The following PDE4D variants were observed in gnomAD, a reference collection of about 807,000 sequenced individuals.
The protein encoded by PDE4D is phosphodiesterase 4D.
Under a neutral mutation model 87.4 loss-of-function variants are expected in PDE4D, and 24 were observed. That is an observed-to-expected ratio of 0.27 (90% CI 0.20 to 0.39). PDE4D has a LOEUF of 0.39. PDE4D is among the 10% of genes least tolerant of loss of function. The probability of loss-of-function intolerance (pLI) is 1.00; values close to 1 mark genes in which losing one functional copy is unlikely to be tolerated. For synonymous variants in PDE4D, 384 were observed against 383.2 expected, an observed-to-expected ratio of 1.00 and a Z score of -0.02; for missense variants, 714 against 1,041.0, an observed-to-expected ratio of 0.69 and a Z score of 4.32.
intron 1 of PDE4D, among the ~76,000 whole-genome samples, chr5:59,287,221 A>G (rs1317349808): frequency 2.0e-5 from 3 of 152,112 alleles, no homozygotes; most frequent in African/African-American, 7.2e-5. Flanking sequence ...AGCATTCACC[A>G]CAAGCTGATT....
At chr5:58,977,025 A>G (rs1196245459) in intron 12 of PDE4D, among the ~76,000 whole-genome samples, 166 bp downstream of exon 12, 1 of 152,190 alleles carries the variant, frequency 6.6e-6, no homozygotes, top group African/African-American at 2.4e-5. Flanking sequence ...TGAAAAACCT[A>G]TTACAGAACA....
chr5:59,023,679 C>G (rs1019700696), intron 6 of PDE4D, among the ~76,000 whole-genome samples: 1 of 151,608 alleles, frequency 6.6e-6, no homozygotes, highest in Non-Finnish European at 1.5e-5. Flanking sequence ...AAACAAAAAA[C>G]GTTTTGACAT....
intron 1 of PDE4D, among the ~76,000 whole-genome samples, chr5:60,329,371 G>C (rs1268433752): frequency 1.3e-5 from 2 of 152,088 alleles, no homozygotes; most frequent in Non-Finnish European, 2.9e-5. Flanking sequence ...ATGTAAAGAA[G>C]GACATGTTTG....
intron 3 of PDE4D, among the ~76,000 whole-genome samples, chr5:59,941,482 C>T (rs1007811460): frequency 6.6e-5 from 10 of 152,244 alleles, no homozygotes; most frequent in African/African-American, 2.2e-4. Context: ...TCTTGACTCT[C>T]CTCCCAATTG....
At chr5:60,049,720 C>T (rs1356286804) in intron 2 of PDE4D, among the ~76,000 whole-genome samples, 2 of 152,314 alleles carry the variant, frequency 1.3e-5, no homozygotes, top group East Asian at 1.9e-4. Context: ...GCAGTCTGCC[C>T]GTTCTCAGAT....
rs1428823980 is a variant in PDE4D, at chr5:60,265,034, G to A, written c.-89-79347C>T. Among the ~76,000 whole-genome samples, 3 of 152,150 alleles carry A rather than the reference G, an allele frequency of 2.0e-5. No homozygotes were observed. In the East Asian group the frequency reaches 5.8e-4, roughly 29 times the overall value. On this transcript the variant is annotated intron_variant, in intron 1 of 16. Coordinates refer to the PDE4D transcript ENST00000502484. ...GAGAGAGGGCAAGTGGTTGAAAAGTGGAAATATAGTTATACATGCTAGGAG... is the reference window on the plus strand; with the variant it reads ...GAGAGAGGGCAAGTGGTTGAAAAGTAGAAATATAGTTATACATGCTAGGAG...
At chr5:59,689,423 A>G (rs1750509091) in intron 1 of PDE4D, among the ~76,000 whole-genome samples, 1 of 152,204 alleles carries the variant, frequency 6.6e-6, no homozygotes, top group Non-Finnish European at 1.5e-5. Flanking sequence ...AACATATGCA[A>G]ATCAATAAAT....
intron 1 of PDE4D, among the ~76,000 whole-genome samples, chr5:59,617,546 G>A (rs951416244): frequency 6.6e-6 from 1 of 152,160 alleles, no homozygotes; most frequent in East Asian, 1.9e-4. Context: ...TATTGCAAGA[G>A]AGTAGGTCCC....
intron 2 of PDE4D, among the ~76,000 whole-genome samples, chr5:59,197,891 G>A (rs771373319): frequency 5.3e-5 from 8 of 152,126 alleles, no homozygotes; most frequent in Middle Eastern, 3.2e-3. Flanking sequence ...TTTTTAAAGC[G>A]CCTTGCCACG....
intron 1 of PDE4D, among the ~76,000 whole-genome samples, chr5:60,280,219 A>T (rs538011825): frequency 3.3e-5 from 5 of 152,128 alleles, no homozygotes; most frequent in African/African-American, 1.2e-4. Context: ...CATGTGACAC[A>T]GCAATTAATA....
At chr5:60,491,709 A>G (rs1201924430), upstream of PDE4D, among the ~76,000 whole-genome samples, 1 of 151,938 alleles carries the variant, frequency 6.6e-6, no homozygotes, top group Admixed American at 6.6e-5. Flanking sequence ...TTAATATTTG[A>G]TGCTAAAACC....
intron 1 of PDE4D, among the ~76,000 whole-genome samples, chr5:60,236,296 T>A (rs958919885): frequency 6.6e-6 from 1 of 151,786 alleles, no homozygotes; most frequent in African/African-American, 2.4e-5. Flanking sequence ...TGCTAAGGGA[T>A]TGAAAAGACA....
At chr5:60,172,537 T>G (rs188107322) in intron 2 of PDE4D, among the ~76,000 whole-genome samples, 36 of 152,232 alleles carry the variant, frequency 2.4e-4, no homozygotes, top group Non-Finnish European at 4.0e-4. Context: ...TTCCCTGTTT[T>G]GTCTCTAGGA....
At chr5:59,053,649 TTTTTTGTTG>T (rs138664601) in intron 5 of PDE4D, among the ~76,000 whole-genome samples, 8 of 73,488 alleles carry the variant, frequency 1.1e-4, no homozygotes, top group Admixed American at 4.0e-4. Context: ...TTTTTTGTTT[TTTTTTGTTG>T]TTGTTTTTTT....
intron 2 of PDE4D, among the ~76,000 whole-genome samples, chr5:59,199,993 T>G (rs574410469): frequency 6.6e-6 from 1 of 151,066 alleles, no homozygotes; most frequent in East Asian, 2.0e-4. Flanking sequence ...TACACATGCA[T>G]ACATGCATGC....
intron 1 of PDE4D, among the ~76,000 whole-genome samples, chr5:59,838,724 T>G (rs973213094): frequency 6.6e-6 from 1 of 152,078 alleles, no homozygotes; most frequent in Non-Finnish European, 1.5e-5. Flanking sequence ...AGAATGCTTT[T>G]CACCTCAAAG....
intron 1 of PDE4D, among the ~76,000 whole-genome samples, chr5:60,451,769 A>G (rs1363773899): frequency 6.6e-6 from 1 of 152,074 alleles, no homozygotes; most frequent in Non-Finnish European, 1.5e-5. Context: ...CTCTCTACAG[A>G]GACAAAAGGG....
chr5:59,822,237 G>A (rs1419671389), intron 1 of PDE4D, among the ~76,000 whole-genome samples: 1 of 152,132 alleles, frequency 6.6e-6, no homozygotes, highest in African/African-American at 2.4e-5. Context: ...ATTAGAGATA[G>A]GGAAACCCAG....
At chr5:60,459,834 C>A (rs1327798822) in intron 1 of PDE4D, 1 of 572,170 alleles carries the variant, frequency 1.7e-6, no homozygotes. Context: ...AAAGTTGGAA[C>A]CTATCAGTGT....
Sources: gnomAD v4.1 joint callset for allele counts (sites outside exome capture counted in the v4.1 genomes callset) on GRCh38, gnomAD v4.1.1 for gene constraint, MANE v1.5 for transcripts, NCBI Gene and HGNC (gene_info 2026-07-23, HGNC 2026-07-21) for gene names.